AP1B1: variants seen among roughly 807,000 people sequenced by gnomAD.
AP1B1 encodes the protein AP-1 complex subunit beta-1.
A neutral mutation model predicts 104.3 loss-of-function variants in AP1B1; 36 were observed. That is an observed-to-expected ratio of 0.35 (90% confidence interval 0.26 to 0.46). The LOEUF (loss-of-function observed/expected upper bound fraction) is 0.46. Ranked by LOEUF, AP1B1 falls within the 20% of genes least tolerant of loss-of-function variation. The pLI, the probability that AP1B1 is intolerant of heterozygous loss-of-function variation, is 1.00. For missense variants in AP1B1, 901 were observed against 1,247.9 expected, an observed-to-expected ratio of 0.72 and a Z score of 4.19; for synonymous variants, 504 against 517.5, an observed-to-expected ratio of 0.97 and a Z score of 0.35.
rs569973489 is a variant in AP1B1, at chr22:29,330,990, G to T, written c.2525-281C>A. 2.0e-5 allele frequency among the ~76,000 whole-genome samples: 3 copies of T among 152,268 alleles called. No homozygotes were observed. In the East Asian group the frequency reaches 5.8e-4, roughly 29 times the overall value. On this transcript the variant is annotated intron_variant, in intron 19 of 22. Transcript: ENST00000357586. The stretch of plus-strand genomic sequence containing the variant: ...CTCCTCCTCGGTGAGCAGCCTGCTC[G>T]TTAGTCACAGCCTCCCATGCAGGCC...
At chr22:29,360,737 C>T (rs140690986) in intron 3 of AP1B1, among the ~76,000 whole-genome samples, 4,282 of 152,306 alleles carry the variant, frequency 0.028, 196 homozygotes, top group African/African-American at 0.097. Context: ...TGCTCATGAC[C>T]ACTGGGTGGA....
At chr22:29,353,656 G>A (rs947166304) in intron 7 of AP1B1, among the ~76,000 whole-genome samples, 14 of 152,040 alleles carry the variant, frequency 9.2e-5, no homozygotes, top group African/African-American at 2.9e-4. Context: ...TGGGTCCCCC[G>A]GGAGAGTACT....
chr22:29,352,835 G>A (rs1418510730), intron 7 of AP1B1, among the ~76,000 whole-genome samples: 1 of 152,130 alleles, frequency 6.6e-6, no homozygotes, highest in Non-Finnish European at 1.5e-5. Context: ...GCATGAGGGT[G>A]GTCTTGGGAC....
In AP1B1 at chr22:29,358,982, C is replaced by A. The variant is rs751794492; in HGVS notation, c.280-11G>T. On this transcript the variant is annotated splice_polypyrimidine_tract_variant and intron_variant, in intron 4 of 22. Coordinates refer to ENST00000357586, the MANE Select transcript of AP1B1 (RefSeq NM_001127.4). ...GGGGTCCTCACAGTCCTGGGGGGAA[C>A]CAGCCATCGGCCAGGGCAGGGGTGG... is the stretch of plus-strand genomic sequence containing the variant. 6.9e-6 allele frequency: 11 copies of A among 1,598,482 alleles called. No homozygotes were observed. In the African/African-American group the frequency reaches 1.5e-4, roughly 21 times the overall value.
intron 1 of AP1B1, among the ~76,000 whole-genome samples, chr22:29,373,494 G>A (rs1301983375): frequency 1.3e-5 from 2 of 152,116 alleles, no homozygotes; most frequent in Non-Finnish European, 2.9e-5. Context: ...GGGTGGGAAG[G>A]ACTGAAAGTG....
In AP1B1 at chr22:29,354,756, C is replaced by T. The variant is rs371384145; in HGVS notation, c.832G>A (p.Gly278Ser). Reference sequence around the variant, plus strand: ...GGGGCCAGCTTCTTGAGCAGTGTGCCGTAGTAGTCCAAGTCCTTAGACAAC... The same window carrying T: ...GGGGCCAGCTTCTTGAGCAGTGTGCTGTAGTAGTCCAAGTCCTTAGACAAC... The part of the protein sequence containing the change: ...EMLSKDLDYY[G>S]TLLKKLAPPL... Residue 278 changes from glycine (G) to serine (S), a missense_variant, in exon 7 of 23, where the codon GGC (glycine) becomes AGC (serine). Physicochemically the swap from Gly to Ser is moderately conservative, Grantham distance 56. Around this residue, in one of 3 missense-constraint regions of AP1B1, gnomAD observed 471 missense variants for 696.7 expected, o/e 0.68. Coordinates refer to ENST00000357586, the MANE Select transcript of AP1B1 (RefSeq NM_001127.4). 8.1e-6 allele frequency: 13 copies of T among 1,613,890 alleles called. No individual in the cohort carries two copies. The highest frequency in any genetic ancestry group is 1.7e-5 in the Admixed American group (1 of 59,968).
chr22:29,328,742 CGAG>C lies in AP1B1; in HGVS notation c.*76_*78del. On this transcript the variant is annotated 3_prime_UTR_variant, in exon 23 of 23. Coordinates refer to ENST00000357586, the MANE Select transcript of AP1B1 (RefSeq NM_001127.4). This position sits in a 1 kb window ranked among gnomAD's most constrained non-coding sequence, Gnocchi z 4.1. ...CTGGAGCCCCGCCTGGTCCCTCCTG[CGAG>C]GAGGAAGATGTGCTGCCCCCGAGGG... 1 of 1,510,404 alleles carries C rather than the reference CGAG, an allele frequency of 6.6e-7. No homozygotes were observed. Among genetic ancestry groups the C allele is most frequent in the Non-Finnish European group, 8.9e-7 (1 of 1,118,540 alleles). The allele number at this position is 1,510,404 out of a possible 1,614,324, so 93.6% of individuals were successfully genotyped here. A position where few individuals can be genotyped will look rare whatever the true frequency, so the allele number is the denominator to read the frequency against.
At chr22:29,330,853 T>C in intron 19 of AP1B1, 144 bp from the exon 20 acceptor site, 1 of 697,936 alleles carries the variant, frequency 1.4e-6, no homozygotes, top group Admixed American at 2.4e-5. Flanking sequence ...GCCCTCCTGC[T>C]TCCCTAAGCA....
intron 2 of AP1B1, among the ~76,000 whole-genome samples, chr22:29,364,707 C>A (rs1457454341): frequency 6.6e-6 from 1 of 151,844 alleles, no homozygotes; most frequent in African/African-American, 2.4e-5. Context: ...AGCCACCACG[C>A]CCGGCCATTT....
At chr22:29,348,103 A>G (rs139743522) in intron 11 of AP1B1, among the ~76,000 whole-genome samples, 1 of 152,386 alleles carries the variant, frequency 6.6e-6, no homozygotes, top group African/African-American at 2.4e-5. Context: ...GGCAGTGTAG[A>G]TACAGTTGAT....
chr22:29,388,071 G>A (rs540612310), intron 1 of AP1B1, among the ~76,000 whole-genome samples: 1 of 152,162 alleles, frequency 6.6e-6, no homozygotes, highest in Admixed American at 6.5e-5. Context: ...CCTGAACAAC[G>A]AGGAGGCCTC....
chr22:29,351,290 G>C, intron 8 of AP1B1, 24 bp from the exon 9 acceptor site: 3 of 1,612,830 alleles, frequency 1.9e-6, no homozygotes, highest in Non-Finnish European at 2.5e-6. Context: ...AGAAAAGATG[G>C]GGCTGGGGCA....
At chr22:29,340,317 C>T (rs1013489969) in intron 14 of AP1B1, among the ~76,000 whole-genome samples, 9 of 152,186 alleles carry the variant, frequency 5.9e-5, no homozygotes, top group Non-Finnish European at 1.3e-4. Flanking sequence ...ACACCCTAGC[C>T]TTACAGGGCA....
intron 2 of AP1B1, among the ~76,000 whole-genome samples, chr22:29,364,796 C>A (rs536053924): frequency 6.6e-6 from 1 of 152,102 alleles, no homozygotes; most frequent in Admixed American, 6.6e-5. Flanking sequence ...GCAACTTCCG[C>A]CTCCCGGGTT....
rs7285200 is a variant in AP1B1 at position 29,342,557 on chromosome 22, C to T, written c.1438-174G>A. Among the ~76,000 whole-genome samples, 25,864 of 152,242 alleles carry T rather than the reference C, an allele frequency of 0.17. 2,419 individuals are homozygous for T. The highest frequency in any genetic ancestry group is 0.22 in the Non-Finnish European group (14,636 of 68,000). ...CAAAGGGCTGCCACAAGTGTTGGTG[C>T]CGCTGAGCAGCCAGACCTCGGCATC... On this transcript the variant is annotated intron_variant, in intron 11 of 22. Coordinates refer to ENST00000357586, the MANE Select transcript of AP1B1 (RefSeq NM_001127.4).
chr22:29,355,848 A>C (rs1177683876), intron 6 of AP1B1, among the ~76,000 whole-genome samples: 3 of 149,404 alleles, frequency 2.0e-5, no homozygotes, highest in Non-Finnish European at 4.4e-5. Context: ...TGCAGAACAG[A>C]GACCCTGCCA....
Position 29,349,257 on chromosome 22 carries a change from C to A in AP1B1, c.1398G>T (p.Leu466=), listed in dbSNP as rs753955551. 6.2e-7 allele frequency: 1 copy of A among 1,613,876 alleles called. No homozygotes were observed. Among genetic ancestry groups the A allele is most frequent in the Non-Finnish European group, 8.5e-7 (1 of 1,180,046 alleles). Residue 466 remains leucine (L), a synonymous_variant, in exon 11 of 23, where the codon CTG becomes CTT. Coordinates refer to ENST00000357586, the MANE Select transcript of AP1B1 (RefSeq NM_001127.4). ...CATGGAAGCCCTCGAGGAAGCTCTC[C>A]AGCAGCTCATCTGCGTTGTCGATCC... ...AERIDNADEL[L]ESFLEGFHDE... is the part of the protein sequence containing the mutation.
At chr22:29,367,976 C>T (rs756036782) in intron 1 of AP1B1, among the ~76,000 whole-genome samples, 6 of 152,114 alleles carry the variant, frequency 3.9e-5, no homozygotes, top group Non-Finnish European at 8.8e-5. Flanking sequence ...CATCTCCTAG[C>T]GCAAAGCTCA....
intron 1 of AP1B1, among the ~76,000 whole-genome samples, chr22:29,383,856 G>T (rs1160960983): frequency 6.6e-6 from 1 of 152,182 alleles, no homozygotes; most frequent in Non-Finnish European, 1.5e-5. Flanking sequence ...TCAACCCAGA[G>T]TTAGGCCACA....
Sources: allele counts gnomAD v4.1 joint callset (sites outside exome capture counted in the v4.1 genomes callset), GRCh38; gene constraint gnomAD v4.1.1; regional missense constraint gnomAD v4.1.1; non-coding constraint Gnocchi (gnomAD v3.1); transcripts MANE v1.5; gene names NCBI Gene and HGNC (gene_info 2026-07-23, HGNC 2026-07-21).